The following RNF214 variants were observed in gnomAD, a reference collection of about 807,000 sequenced individuals.
The protein encoded by RNF214 is ring finger protein 214.
RNF214 carries 25 observed loss-of-function variants against 75.9 expected under a neutral mutation model. That is an observed-to-expected ratio of 0.33 (90% confidence interval 0.24 to 0.46). The LOEUF (loss-of-function observed/expected upper bound fraction) is 0.46, where lower values mean the gene tolerates loss of function less well. RNF214 is among the 20% of genes least tolerant of loss of function. The pLI is 1.00. For synonymous variants in RNF214, 314 were observed against 308.8 expected (o/e 1.02, Z -0.18); for missense variants, 725 against 857.5 (o/e 0.85, Z 1.93).
chr11:117,267,121 T>A (rs1240591454), intron 6 of RNF214, among the ~76,000 whole-genome samples: 2 of 152,186 alleles, frequency 1.3e-5, no homozygotes, highest in Non-Finnish European at 2.9e-5. Flanking sequence ...ATTATAGGCG[T>A]TCTTTATACA....
intron 4 of RNF214, among the ~76,000 whole-genome samples, chr11:117,240,962 T>A (rs1482862070): frequency 6.6e-6 from 1 of 151,612 alleles, no homozygotes; most frequent in Non-Finnish European, 1.5e-5. Context: ...GCAGATTGCC[T>A]GAGCGCAGGA....
rs774103352 is a variant in RNF214, at chr11:117,280,022, TA to T, written c.1056+19del. On this transcript the variant is annotated intron_variant, in intron 7 of 14. Transcript: ENST00000300650. ...AGGCAGAGGTGAGAAGAGGAGCTGA[TA>T]TCTTGAAAGTCTTAGTTTCAGGCTT... 1 of 1,591,640 alleles carries T rather than the reference TA, an allele frequency of 6.3e-7. No individual in the cohort carries two copies. The highest frequency in any genetic ancestry group is 8.6e-7 in the Non-Finnish European group (1 of 1,163,554).
chr11:117,282,332 A>C (rs2034145399), intron 11 of RNF214, 62 bp downstream of exon 11: 4 of 1,591,020 alleles, frequency 2.5e-6, no homozygotes, highest in Admixed American at 1.7e-5. Context: ...GGGTTAAAAC[A>C]GAGGAGGTTA....
intron 6 of RNF214, among the ~76,000 whole-genome samples, chr11:117,278,754 A>C (rs182622181): frequency 7.2e-5 from 11 of 152,338 alleles, no homozygotes; most frequent in Admixed American, 5.9e-4. Flanking sequence ...AACTTGTATC[A>C]CTGTGCTTAG....
chr11:117,246,906 A>T lies in RNF214; in HGVS notation c.917A>T (p.Asp306Val), dbSNP rs200034585. Residue 306 changes from aspartate (D) to valine (V), a missense_variant, in exon 6 of 15, where the codon GAT (aspartate) becomes GTT (valine). Coordinates refer to ENST00000300650, the MANE Select transcript of RNF214 (RefSeq NM_207343.4). ...EKKEFLQKEQ[D>V]LKAEIEKLCE... ...AAGGAGTTTTTGCAGAAGGAGCAGG[A>T]TCTGAAAGCTGAAATTGAGAAGCTT... 6.7e-5 allele frequency: 108 copies of T among 1,612,012 alleles called. No individual in the cohort carries two copies. Among genetic ancestry groups the T allele is most frequent in the Non-Finnish European group, 9.0e-5 (106 of 1,179,358 alleles).
intron 5 of RNF214, among the ~76,000 whole-genome samples, chr11:117,245,305 C>T (rs953143256): frequency 4.0e-5 from 6 of 150,040 alleles, no homozygotes; most frequent in Admixed American, 2.7e-4. Flanking sequence ...AGTGACAGAA[C>T]GATACCCTGT....
intron 6 of RNF214, among the ~76,000 whole-genome samples, chr11:117,272,712 T>C (rs1277013837): frequency 6.6e-6 from 1 of 152,082 alleles, no homozygotes; most frequent in Non-Finnish European, 1.5e-5. Flanking sequence ...TAGTCTCATA[T>C]GGATCATGAA....
intron 6 of RNF214, among the ~76,000 whole-genome samples, chr11:117,250,838 A>G (rs1200654975): frequency 6.8e-6 from 1 of 147,824 alleles, no homozygotes; most frequent in Non-Finnish European, 1.5e-5. Flanking sequence ...GCTGCCTTCA[A>G]GCATCTGTTT....
At chr11:117,234,024 C>T (rs2032825077) in intron 1 of RNF214, among the ~76,000 whole-genome samples, 1 of 152,210 alleles carries the variant, frequency 6.6e-6, no homozygotes, top group Non-Finnish European at 1.5e-5. Flanking sequence ...AAAATAAGAT[C>T]TTTGCACAGA....
rs1417811913 is a variant in RNF214 at position 117,244,447 on chromosome 11, T to C, written c.681T>C (p.Asp227=). The change falls in exon 5 of 15, where the codon GAT becomes GAC. Residue 227 remains aspartate (D), a splice_region_variant and synonymous_variant. Coordinates refer to ENST00000300650, the MANE Select transcript of RNF214 (RefSeq NM_207343.4). ...NTDQDIEKNL[D]KMMTERTLLK... The stretch of plus-strand genomic sequence containing the variant: ...TTTTCTTGTCTTGTTCATAATAGGA[T>C]AAAATGATGACAGAGAGAACCCTGT... 6.2e-7 allele frequency: 1 copy of C among 1,608,020 alleles called. No individual in the cohort carries two copies. The highest frequency in any genetic ancestry group is 8.5e-7 in the Non-Finnish European group (1 of 1,177,752).
At chr11:117,261,820 A>G (rs953786891) in intron 6 of RNF214, among the ~76,000 whole-genome samples, 1 of 150,706 alleles carries the variant, frequency 6.6e-6, no homozygotes, top group Non-Finnish European at 1.5e-5. Flanking sequence ...TAATTTTTGT[A>G]TTTTTAGTAG....
Position 117,283,189 on chromosome 11 carries a change from T to C in RNF214, c.2025T>C (p.Cys675=). 6.2e-7 allele frequency: 1 copy of C among 1,613,520 alleles called. No homozygotes were observed. Among genetic ancestry groups the C allele is most frequent in the Non-Finnish European group, 8.5e-7 (1 of 1,179,398 alleles). The stretch of plus-strand genomic sequence containing the variant: ...CCAGTGAGCTGCATCCAATGGCGTG[T>C]ACCCATGTATTGCACAAGGAGGTAG... ...VQPSELHPMA[C]THVLHKECIK... The change falls in exon 14 of 15, where the codon TGT becomes TGC. Residue 675 remains cysteine, a synonymous_variant. Coordinates refer to ENST00000300650, the MANE Select transcript of RNF214 (RefSeq NM_207343.4).
At chr11:117,268,721 A>G (rs1473093079) in intron 6 of RNF214, among the ~76,000 whole-genome samples, 2 of 152,224 alleles carry the variant, frequency 1.3e-5, no homozygotes, top group Non-Finnish European at 2.9e-5. Context: ...AGCTTTTACA[A>G]ACAGCTTGCT....
chr11:117,251,521 G>A (rs1221809073), intron 6 of RNF214, among the ~76,000 whole-genome samples: 8 of 91,012 alleles, frequency 8.8e-5, no homozygotes, highest in African/African-American at 1.6e-4. Context: ...CTGGCCGGGC[G>A]GGGGGCTGAC....
At chr11:117,258,677 T>C (rs774691992) in intron 6 of RNF214, among the ~76,000 whole-genome samples, 1 of 152,110 alleles carries the variant, frequency 6.6e-6, no homozygotes, top group Non-Finnish European at 1.5e-5. Flanking sequence ...TTGACAAATG[T>C]ATGCACTTGA....
At position 117,244,562 on chromosome 11, in the gene RNF214, G is replaced by A. The variant is rs2033160739; in HGVS notation, c.796G>A (p.Glu266Lys). ...VQLKQLQQRR[E>K]EEMKNHQEIL... ...ATTAAAGCAGCTTCAGCAAAGGAGAGAAGAGGAAATGAAGAATCACCAGGT... is the reference window on the plus strand; with the variant it reads ...ATTAAAGCAGCTTCAGCAAAGGAGAAAAGAGGAAATGAAGAATCACCAGGT... Residue 266 changes from glutamate to lysine, a missense_variant, in exon 5 of 15, where the codon GAA becomes AAA. Around this residue, in one of 2 missense-constraint regions of RNF214, gnomAD observed 362 missense variants for 344.5 expected, o/e 1.05. Transcript: ENST00000300650. 6.2e-7 allele frequency: 1 copy of A among 1,610,272 alleles called. No homozygotes were observed. Among genetic ancestry groups the A allele is most frequent in the Admixed American group, 1.7e-5 (1 of 59,244 alleles).
At chr11:117,260,309 A>G (rs976623856) in intron 6 of RNF214, among the ~76,000 whole-genome samples, 2 of 152,152 alleles carry the variant, frequency 1.3e-5, no homozygotes, top group South Asian at 2.1e-4. Context: ...ATTTTTGTGT[A>G]TGGTGAGAAG....
intron 6 of RNF214, among the ~76,000 whole-genome samples, chr11:117,250,885 A>G (rs2033360555): frequency 6.8e-6 from 1 of 146,992 alleles, no homozygotes; most frequent in African/African-American, 2.5e-5. Context: ...AATCCATTCA[A>G]CCCTGAGTGG....
At chr11:117,278,029 G>A (rs2034049773) in intron 6 of RNF214, among the ~76,000 whole-genome samples, 1 of 151,888 alleles carries the variant, frequency 6.6e-6, no homozygotes, top group Middle Eastern at 3.2e-3. Flanking sequence ...TCTTGGCCGG[G>A]CGCAGAGGCT....
Sources: allele counts gnomAD v4.1 joint callset (sites outside exome capture counted in the v4.1 genomes callset), GRCh38; gene constraint gnomAD v4.1.1; regional missense constraint gnomAD v4.1.1; transcripts MANE v1.5; gene names NCBI Gene and HGNC (gene_info 2026-07-23, HGNC 2026-07-21).